The following ERICH6B variants were observed in gnomAD, a reference collection of about 807,000 sequenced individuals.
The protein encoded by ERICH6B is glutamate-rich protein 6B.
ERICH6B carries 69 observed loss-of-function variants against 80.0 expected under a neutral mutation model. The observed-to-expected ratio is 0.86, with a 90% CI of 0.71 to 1.05. The LOEUF is 1.05. ERICH6B is among the 50% of genes least tolerant of loss of function. The pLI, the probability that ERICH6B is intolerant of heterozygous loss-of-function variation, is 0.00. For missense variants in ERICH6B, 754 were observed against 796.1 expected (o/e 0.95, Z 0.64); for synonymous variants, 283 against 291.9 (o/e 0.97, Z 0.31).
intron 3 of ERICH6B, among the ~76,000 whole-genome samples, chr13:45,595,794 C>T (rs1452471901): frequency 2.0e-5 from 3 of 151,470 alleles, no homozygotes; most frequent in Non-Finnish European, 1.5e-5. Flanking sequence ...AGGTGTGTGC[C>T]ACCACACCCG....
intron 8 of ERICH6B, among the ~76,000 whole-genome samples, chr13:45,569,734 A>G (rs1287968896): frequency 1.3e-5 from 2 of 152,202 alleles, no homozygotes; most frequent in Non-Finnish European, 2.9e-5. Context: ...ATACAAGTTT[A>G]TGGCTTATGG....
chr13:45,569,819 C>T (rs962010401), intron 8 of ERICH6B, among the ~76,000 whole-genome samples: 1 of 152,084 alleles, frequency 6.6e-6, no homozygotes, highest in Non-Finnish European at 1.5e-5. Flanking sequence ...GCCTCTGAGC[C>T]CTGTCTGTCT....
chr13:45,604,174 G>A (rs1485286470), intron 2 of ERICH6B, among the ~76,000 whole-genome samples: 2 of 152,248 alleles, frequency 1.3e-5, no homozygotes, highest in Non-Finnish European at 2.9e-5. Context: ...AGGGAACTCT[G>A]CTGACTCTGT....
At chr13:45,565,710 C>T (rs1391559414) in intron 9 of ERICH6B, among the ~76,000 whole-genome samples, 1 of 152,248 alleles carries the variant, frequency 6.6e-6, no homozygotes, top group Non-Finnish European at 1.5e-5. Context: ...CCTCCCCAGC[C>T]ATGTGGAACT....
At chr13:45,574,459 A>G (rs954204220) in intron 8 of ERICH6B, among the ~76,000 whole-genome samples, 17 of 152,114 alleles carry the variant, frequency 1.1e-4, no homozygotes, top group Non-Finnish European at 2.9e-5. Context: ...TGGGGAGAGC[A>G]CCCTTTTGAA....
intron 2 of ERICH6B, among the ~76,000 whole-genome samples, chr13:45,597,512 C>T (rs887988287): frequency 2.6e-5 from 4 of 152,286 alleles, no homozygotes; most frequent in African/African-American, 4.8e-5. Flanking sequence ...CAGCATAGGA[C>T]GGACACAGTG....
chr13:45,605,259 A>G (rs1949851100), intron 2 of ERICH6B, among the ~76,000 whole-genome samples: 1 of 152,216 alleles, frequency 6.6e-6, no homozygotes, highest in Non-Finnish European at 1.5e-5. Context: ...GAAATGTTCT[A>G]GAATTCTGCC....
intron 11 of ERICH6B, among the ~76,000 whole-genome samples, chr13:45,560,801 T>C (rs1220232021): frequency 6.6e-6 from 1 of 152,264 alleles, no homozygotes; most frequent in Admixed American, 6.5e-5. Context: ...CTTATTTCTT[T>C]TTAATGCAGA....
chr13:45,581,329 A>G lies in ERICH6B; in HGVS notation c.857-664T>C, dbSNP rs138584811. ...CTGAATGCTAAATACATGTGTGTAC[A>G]TGTGTGTGTACACACACTCAAAGAC... On this transcript the variant is annotated intron_variant, in intron 5 of 14. Transcript: ENST00000298738. Among the ~76,000 whole-genome samples, 81 of 152,336 alleles carry G rather than the reference A, an allele frequency of 5.3e-4. No individual in the cohort carries two copies. The East Asian group carries it at 0.011, about 21-fold the overall frequency.
rs181916175 is a variant in ERICH6B, at chr13:45,574,811, G to C, written c.1050+31C>G. 3.6e-4 allele frequency: 536 copies of C among 1,487,456 alleles called. 3 individuals carry two copies. The highest frequency in any genetic ancestry group is 1.4e-3 in the African/African-American group (88 of 64,910). The allele number at this position is 1,487,456 out of a possible 1,614,324, so 92.1% of individuals were successfully genotyped here. A position where few individuals can be genotyped will look rare whatever the true frequency, so the allele number is the denominator to read the frequency against. ...CCACCCTACATTTGGAGGAAGCTGG[G>C]GGGGGGGTCTCAAGTTTTTATCCAA... On this transcript the variant is annotated intron_variant, in intron 8 of 14. Transcript: ENST00000298738.
chr13:45,561,238 T>C (rs904646499), intron 11 of ERICH6B, 131 bp downstream of exon 11: 2 of 897,024 alleles, frequency 2.2e-6, no homozygotes, highest in Non-Finnish European at 3.3e-6. Context: ...GTACCTCTGA[T>C]ATCTTGGATG....
At chr13:45,561,998 G>T (rs1159860406) in intron 10 of ERICH6B, among the ~76,000 whole-genome samples, 1 of 152,216 alleles carries the variant, frequency 6.6e-6, no homozygotes, top group East Asian at 1.9e-4. Context: ...CATTTAAAAG[G>T]TAAGACAATG....
intron 5 of ERICH6B, among the ~76,000 whole-genome samples, chr13:45,585,017 A>G (rs1027650107): frequency 9.2e-5 from 14 of 152,134 alleles, no homozygotes; most frequent in African/African-American, 3.4e-4. Context: ...CTTTGTCGCC[A>G]TCTTCAGGCA....
chr13:45,545,120 C>T (rs1873942094), intron 13 of ERICH6B, 135 bp from the exon 14 acceptor site: 2 of 719,102 alleles, frequency 2.8e-6, no homozygotes, highest in South Asian at 1.9e-5. Context: ...GGAGAAGCTC[C>T]AACATGGACA....
intron 13 of ERICH6B, among the ~76,000 whole-genome samples, chr13:45,547,424 C>A (rs559115720): frequency 1.1e-4 from 17 of 152,182 alleles, no homozygotes; most frequent in Non-Finnish European, 2.2e-4. Flanking sequence ...CTCACTCAAG[C>A]TCTGGCTTAG....
chr13:45,574,081 A>G (rs1163408829), intron 8 of ERICH6B, among the ~76,000 whole-genome samples: 2 of 152,216 alleles, frequency 1.3e-5, no homozygotes, highest in Admixed American at 1.3e-4. Context: ...TGAAATATTT[A>G]GTTTTTTGCA....
chr13:45,572,291 C>G (rs1268191957), intron 8 of ERICH6B, among the ~76,000 whole-genome samples: 1 of 152,196 alleles, frequency 6.6e-6, no homozygotes, highest in Non-Finnish European at 1.5e-5. Flanking sequence ...CAGGCTTTCC[C>G]ATGTGTTCAT....
intron 2 of ERICH6B, among the ~76,000 whole-genome samples, chr13:45,606,541 ATATATATTTTTT>A (rs1187766071): frequency 8.7e-5 from 1 of 11,542 alleles, no homozygotes; most frequent in South Asian, 3.8e-3. Flanking sequence ...ATATATATAT[ATATATATTTTTT>A]TTTTTTTTTT....
Position 45,590,682 on chromosome 13 carries a change from T to A in ERICH6B, c.653A>T (p.Tyr218Phe). 1 of 1,551,590 alleles carries A rather than the reference T, an allele frequency of 6.4e-7. No homozygotes were observed. Among genetic ancestry groups the A allele is most frequent in the African/African-American group, 1.4e-5 (1 of 73,152 alleles). The change falls in exon 4 of 15, where the codon TAT becomes TTT. Residue 218 changes from tyrosine (Y) to phenylalanine (F), a missense_variant. Tyr to Phe is a conservative substitution (Grantham distance 22). Coordinates refer to ENST00000298738, the MANE Select transcript of ERICH6B (RefSeq NM_182542.3). ...ACGAAGAAGCATGGTTTGTGATGAATAACTTGCCTTGGGTTCTATTGGAAA... is the reference window on the plus strand; with the variant it reads ...ACGAAGAAGCATGGTTTGTGATGAAAAACTTGCCTTGGGTTCTATTGGAAA... Reference protein sequence around the residue: ...KKYLKEPKASYSSQTMLLRDA... With the variant: ...KKYLKEPKASFSSQTMLLRDA...
Sources: allele counts gnomAD v4.1 joint callset (sites outside exome capture counted in the v4.1 genomes callset), GRCh38; gene constraint gnomAD v4.1.1; transcripts MANE v1.5; gene names NCBI Gene and HGNC (gene_info 2026-07-23, HGNC 2026-07-21).